CCDC32: variants seen among roughly 807,000 people sequenced by gnomAD.
CCDC32 encodes coiled-coil domain-containing protein 32.
In CCDC32, 9 loss-of-function variants were observed where a neutral mutation model predicts 20.1. The ratio of observed to expected loss-of-function variants is 0.45; its 90% CI spans 0.27 to 0.78. The LOEUF is 0.78. Ranked by LOEUF, CCDC32 falls within the 30% of genes least tolerant of loss-of-function variation. The pLI is 0.16. For missense variants in CCDC32, 204 were observed against 215.5 expected (o/e 0.95, Z 0.33); for synonymous variants, 63 against 79.0 (o/e 0.80, Z 1.07).
At chr15:40,564,086 C>T (rs1475965154) in intron 1 of CCDC32, among the ~76,000 whole-genome samples, 1 of 152,162 alleles carries the variant, frequency 6.6e-6, no homozygotes, top group Non-Finnish European at 1.5e-5. Flanking sequence ...TCCCAAAGTG[C>T]TGGGATTACA....
At chr15:40,524,165 T>A (rs1477380589), downstream of CCDC32, among the ~76,000 whole-genome samples, 20 of 143,600 alleles carry the variant, frequency 1.4e-4, no homozygotes, top group East Asian at 3.2e-3. Context: ...TTTTTTTTTT[T>A]TTTTTTTTTG....
In CCDC32 at chr15:40,553,905, C is replaced by CGTGTGTGTGT. The variant is rs60438611; in HGVS notation, c.*56_*65dup. 130 of 1,435,408 alleles carry CGTGTGTGTGT rather than the reference C, an allele frequency of 9.1e-5. No individual in the cohort carries two copies. In the East Asian group the frequency reaches 1.4e-3, roughly 15 times the overall value. 88.9% of individuals were successfully genotyped at this position (1,435,408 alleles called of 1,614,324 possible). On this transcript the variant is annotated 3_prime_UTR_variant, in exon 4 of 4. Coordinates refer to ENST00000416810, the MANE Select transcript of CCDC32 (RefSeq NM_001080792.4). ...CTCTGGACCCGAGACAGCTGCTCGG[C>CGTGTGTGTGT]GTGTGTGTGTGTGTGTGTGTGTGTG...
chr15:40,528,001 G>A (rs937517714), downstream of CCDC32, among the ~76,000 whole-genome samples: 2 of 152,180 alleles, frequency 1.3e-5, no homozygotes, highest in African/African-American at 4.8e-5. Flanking sequence ...ACTCCCTGTG[G>A]CCTATCTTCA....
downstream of CCDC32, among the ~76,000 whole-genome samples, chr15:40,552,337 C>T (rs1413091231): frequency 6.6e-5 from 10 of 151,638 alleles, no homozygotes; most frequent in East Asian, 1.9e-4. Flanking sequence ...CAAAATTAGC[C>T]GGGCGTGGTG....
downstream of CCDC32, chr15:40,534,710 G>A (rs1889034628): frequency 6.8e-6 from 4 of 585,798 alleles, no homozygotes; most frequent in South Asian, 4.0e-5. Context: ...AAGAGAACTA[G>A]CTAGGTCTCT....
intron 3 of CCDC32, among the ~76,000 whole-genome samples, chr15:40,554,872 T>C (rs1049635398): frequency 3.9e-5 from 6 of 152,222 alleles, no homozygotes; most frequent in Non-Finnish European, 7.3e-5. Context: ...CCTTATTCTA[T>C]GCTCCTCAAT....
Position 40,553,940 on chromosome 15 carries a change from G to A in CCDC32, c.*31C>T, listed in dbSNP as rs1452788003. 4 of 546,266 alleles carry A rather than the reference G, an allele frequency of 7.3e-6. No homozygotes were observed. The highest frequency in any genetic ancestry group is 1.2e-5 in the Non-Finnish European group (4 of 344,248). The allele number at this position is 546,266 out of a possible 1,614,324, so 33.8% of individuals were successfully genotyped here. On this transcript the variant is annotated 3_prime_UTR_variant, in exon 4 of 4. Transcript: ENST00000416810. ...TGTGTGTGTGTGTGTGTGTGTGTGT[G>A]TGTGTGTGTGTGTGTGTGTGTGTGT... is the stretch of plus-strand genomic sequence containing the variant.
chr15:40,539,021 C>G (rs1410646684), downstream of CCDC32: 1 of 560,356 alleles, frequency 1.8e-6, no homozygotes, highest in Non-Finnish European at 3.2e-6. Flanking sequence ...CTAGCTGGCT[C>G]TGACTAAAGC....
At chr15:40,526,602 G>A (rs1343257693), downstream of CCDC32, among the ~76,000 whole-genome samples, 1 of 152,070 alleles carries the variant, frequency 6.6e-6, no homozygotes, top group African/African-American at 2.4e-5. Context: ...CTCCTATAAG[G>A]GAAACTGCTT....
downstream of CCDC32, among the ~76,000 whole-genome samples, chr15:40,527,987 C>T (rs1894920337): frequency 6.6e-6 from 1 of 152,216 alleles, no homozygotes; most frequent in Non-Finnish European, 1.5e-5. Flanking sequence ...AGGCCCTTTC[C>T]CCTACTCCCT....
intron 2 of CCDC32, 34 bp from the exon 3 acceptor site, chr15:40,557,406 G>T (rs1471691232): frequency 6.4e-7 from 1 of 1,553,720 alleles, no homozygotes; most frequent in African/African-American, 1.4e-5. Context: ...CAAGGAAAAT[G>T]AGCATGACAT....
downstream of CCDC32, chr15:40,538,964 C>T (rs540058530): frequency 1.0e-4 from 49 of 475,156 alleles, no homozygotes; most frequent in African/African-American, 6.6e-4. Flanking sequence ...GTGGGCTCAC[C>T]GCAGGAGCCT....
chr15:40,537,686 A>G (rs2141605561), downstream of CCDC32: 1 of 152,474 alleles, frequency 6.6e-6, no homozygotes, highest in East Asian at 1.9e-4. Context: ...GCGTTGGCTC[A>G]TGCCTGTAAT....
chr15:40,540,410 C>T (rs1031902523), intron 3 of CCDC32, among the ~76,000 whole-genome samples: 1 of 146,536 alleles, frequency 6.8e-6, no homozygotes, highest in African/African-American at 2.5e-5. Flanking sequence ...CTCTGTTGTG[C>T]AGGCTGGAGA....
At chr15:40,557,481 C>G (rs8029384) in intron 2 of CCDC32, 109 bp from the exon 3 acceptor site, 675,375 of 1,123,838 alleles carry the variant, frequency 0.6, 204,013 homozygotes, top group East Asian at 0.74. Flanking sequence ...ATGAGGACAT[C>G]CACACTCCCT....
chr15:40,525,281 G>A (rs11638742), downstream of CCDC32, among the ~76,000 whole-genome samples: 70,563 of 151,806 alleles, frequency 0.46, 18,974 homozygotes, highest in East Asian at 0.75. Flanking sequence ...ACTTACCTTC[G>A]ACTCCCAAAT....
Position 40,564,996 on chromosome 15 carries a change from C to G in CCDC32, c.-33G>C. The G allele has an allele frequency of 1.7e-6, 1 of 599,010 alleles. No individual in the cohort carries two copies. Among genetic ancestry groups the G allele is most frequent in the Admixed American group, 2.9e-5 (1 of 33,940 alleles). The allele number at this position is 599,010 out of a possible 1,614,324, so 37.1% of individuals were successfully genotyped here. On this transcript the variant is annotated 5_prime_UTR_variant, in exon 1 of 4. Coordinates refer to ENST00000416810, the MANE Select transcript of CCDC32 (RefSeq NM_001080792.4). ...CTTACCGTAACAGCTGCCCAGTAAA[C>G]GCTTGGCTCAGCTCTGTCGCCTGTA... is the stretch of plus-strand genomic sequence containing the variant.
At chr15:40,543,644 G>A (rs571497776) in intron 3 of CCDC32, among the ~76,000 whole-genome samples, 2 of 152,228 alleles carry the variant, frequency 1.3e-5, no homozygotes, top group African/African-American at 2.4e-5. Flanking sequence ...TAGTAGAAAT[G>A]GAGTTTCCCC....
intron 3 of CCDC32, among the ~76,000 whole-genome samples, chr15:40,543,065 C>T (rs573986382): frequency 3.3e-5 from 5 of 151,206 alleles, no homozygotes; most frequent in African/African-American, 9.7e-5. Flanking sequence ...CAGCTTGAGC[C>T]CGGGAGGTTG....
Sources: allele counts gnomAD v4.1 joint callset (sites outside exome capture counted in the v4.1 genomes callset), GRCh38; gene constraint gnomAD v4.1.1; transcripts MANE v1.5; gene names NCBI Gene and HGNC (gene_info 2026-07-23, HGNC 2026-07-21).